The following ITPR1 variants were observed in gnomAD, a reference collection of about 807,000 sequenced individuals.
ITPR1 encodes inositol 1,4,5-trisphosphate-gated calcium channel ITPR1.
Under a neutral mutation model 318.4 loss-of-function variants are expected in ITPR1, and 96 were observed. The ratio of observed to expected loss-of-function variants is 0.30; its 90% CI spans 0.26 to 0.36. ITPR1 has a LOEUF of 0.36. ITPR1 is among the 10% of genes least tolerant of loss of function. ITPR1 has a pLI of 1.00. For synonymous variants in ITPR1, 1,312 were observed against 1,289.9 expected (o/e 1.02, Z -0.37); for missense variants, 2,440 against 3,460.2 (o/e 0.71, Z 7.40).
At chr3:4,603,407 C>CTTTTT (rs935114506) in intron 4 of ITPR1, among the ~76,000 whole-genome samples, 1 of 151,784 alleles carries the variant, frequency 6.6e-6, no homozygotes, top group Admixed American at 6.6e-5. Flanking sequence ...ACCACATTTT[C>CTTTTT]TTTTCTTTTC....
At chr3:4,639,340 A>T (rs1388754214) in intron 5 of ITPR1, 44 bp from the exon 6 acceptor site, 1 of 1,424,060 alleles carries the variant, frequency 7.0e-7, no homozygotes, top group Non-Finnish European at 9.7e-7. Flanking sequence ...GGGATAGAAC[A>T]CATGGTTTCC....
chr3:4,511,738 A>C (rs1007244112), intron 2 of ITPR1, among the ~76,000 whole-genome samples: 4 of 152,160 alleles, frequency 2.6e-5, no homozygotes, highest in African/African-American at 7.2e-5. Flanking sequence ...CTGGGGTTTG[A>C]ACCTGGGCAC....
chr3:4,670,825 G>T lies in ITPR1; in HGVS notation c.2103G>T (p.Trp701Cys). 6.2e-7 allele frequency: 1 copy of T among 1,610,834 alleles called. No homozygotes were observed. The highest frequency in any genetic ancestry group is 8.5e-7 in the Non-Finnish European group (1 of 1,178,554). Residue 701 changes from tryptophan (W) to cysteine (C), a missense_variant, in exon 20 of 62, where the codon TGG (tryptophan) becomes TGT (cysteine). Physicochemically the swap from Trp to Cys is radical, Grantham distance 215. Transcript: ENST00000649015. ...ACGAGGAAGAGGTGTGGCTGTTTTG[G>T]AGGGACAGCAACAAAGAGATTCGCA... ...GEDEEEVWLFWRDSNKEIRSK... is the reference protein window; with the variant it reads ...GEDEEEVWLFCRDSNKEIRSK...
At chr3:4,687,611 G>A (rs899462571) in intron 30 of ITPR1, among the ~76,000 whole-genome samples, 5 of 152,196 alleles carry the variant, frequency 3.3e-5, no homozygotes, top group Non-Finnish European at 7.3e-5. Context: ...ATGATTTCCA[G>A]TTTAGAAATT....
chr3:4,588,542 G>T lies in ITPR1; in HGVS notation c.164-39221G>T, dbSNP rs572162378. Among the ~76,000 whole-genome samples, 32 of 152,114 alleles carry T rather than the reference G, an allele frequency of 2.1e-4. No individual in the cohort carries two copies. In the South Asian group the frequency reaches 6.7e-3, roughly 32 times the overall value. On this transcript the variant is annotated intron_variant, in intron 4 of 61. Coordinates refer to ENST00000649015, the MANE Select transcript of ITPR1 (RefSeq NM_001378452.1). ...CCGCTTTCTCACCTCTAAATGCTGG[G>T]CTGGTCCCGGGCTTCGGCCTTGGCT...
intron 4 of ITPR1, among the ~76,000 whole-genome samples, chr3:4,623,572 C>A (rs1192595680): frequency 6.6e-6 from 1 of 152,162 alleles, no homozygotes; most frequent in Non-Finnish European, 1.5e-5. Context: ...ATATATTCTT[C>A]TGGTTTTCCT....
At chr3:4,776,792 G>A (rs985216739) in intron 47 of ITPR1, among the ~76,000 whole-genome samples, 2 of 152,178 alleles carry the variant, frequency 1.3e-5, no homozygotes, top group South Asian at 2.1e-4. Flanking sequence ...TGCTGCAAAC[G>A]GAGATGTTAC....
intron 46 of ITPR1, 140 bp downstream of exon 46, chr3:4,768,904 CTTTTT>C: frequency 1.4e-6 from 1 of 700,840 alleles, no homozygotes; most frequent in Non-Finnish European, 2.3e-6. Flanking sequence ...TTTCCTTTTT[CTTTTT>C]TCTTTTTTCT....
chr3:4,745,063 TC>T (rs1219982580), intron 44 of ITPR1, among the ~76,000 whole-genome samples: 1 of 250 alleles, frequency 4.0e-3, no homozygotes, highest in South Asian at 0.1. Context: ...CCTTTCTCTT[TC>T]TGTGTTTTCT....
intron 4 of ITPR1, among the ~76,000 whole-genome samples, chr3:4,524,301 GTT>G (rs56380229): frequency 0.036 from 2,660 of 73,444 alleles, 47 homozygotes; most frequent in Middle Eastern, 0.069. Context: ...ATACTTTGAC[GTT>G]TTTTTTTTTT....
At chr3:4,663,602 C>G (rs1036541612) in intron 16 of ITPR1, among the ~76,000 whole-genome samples, 2 of 152,162 alleles carry the variant, frequency 1.3e-5, no homozygotes, top group Non-Finnish European at 2.9e-5. Context: ...TACCGACATC[C>G]TACATCACAG....
rs371777189 is a variant in ITPR1 at position 4,779,521 on chromosome 3, A to G, written c.6292-29A>G. 3 of 1,578,600 alleles carry G rather than the reference A, an allele frequency of 1.9e-6. No individual in the cohort carries two copies. In the African/African-American group the frequency reaches 4.0e-5, roughly 21 times the overall value. On this transcript the variant is annotated intron_variant, in intron 48 of 61. Transcript: ENST00000649015. This position sits in a 1 kb window ranked among gnomAD's most constrained non-coding sequence, Gnocchi z 4.0. ...CCGGGCCCCCAAGCAGCCCCTCTAC[A>G]TTTCCTCTCCCTTTGTTTCTCCAAC...
intron 12 of ITPR1, among the ~76,000 whole-genome samples, chr3:4,657,587 C>G (rs2093742031): frequency 6.6e-6 from 1 of 151,942 alleles, no homozygotes; most frequent in African/African-American, 2.4e-5. Flanking sequence ...TCTGTTTCAG[C>G]TTCCCAAGTA....
chr3:4,693,484 A>G lies in ITPR1; in HGVS notation c.4030-6A>G, dbSNP rs776078483. 1.2e-5 allele frequency: 20 copies of G among 1,612,646 alleles called. 1 individual carries two copies. The South Asian group carries it at 1.9e-4, about 15-fold the overall frequency. ...GTAATCTAAACCCACCCTGTTCTTT[A>G]TGTAGCTGGTCAATTCGGGAGAGGA... On this transcript the variant is annotated splice_polypyrimidine_tract_variant and splice_region_variant and intron_variant, in intron 32 of 61. Coordinates refer to ENST00000649015, the MANE Select transcript of ITPR1 (RefSeq NM_001378452.1).
In ITPR1 at chr3:4,680,909, T is replaced by G. The variant is rs2633722; in HGVS notation, c.3106+218T>G. On this transcript the variant is annotated intron_variant, in intron 25 of 61. Coordinates refer to ENST00000649015, the MANE Select transcript of ITPR1 (RefSeq NM_001378452.1). Reference sequence around the variant, plus strand: ...TCTTGTTTCCTTCCATCTGGGAGTGTCTTAGTGATGAGACAGTTGAGGTTT... The same window carrying G: ...TCTTGTTTCCTTCCATCTGGGAGTGGCTTAGTGATGAGACAGTTGAGGTTT... Among the ~76,000 whole-genome samples the G allele has an allele frequency of 0.22, 33,465 of 152,134 alleles. 4,029 individuals are homozygous for G. Among genetic ancestry groups the G allele is most frequent in the South Asian group, 0.37 (1,779 of 4,824 alleles).
At chr3:4,811,527 G>T in intron 56 of ITPR1, 67 bp downstream of exon 56, 81 of 1,243,128 alleles carry the variant, frequency 6.5e-5, no homozygotes, top group East Asian at 1.8e-4. Context: ...CTGAACTAAA[G>T]AAAATAACGA....
chr3:4,754,302 G>T (rs1368368453), intron 44 of ITPR1, among the ~76,000 whole-genome samples: 1 of 152,138 alleles, frequency 6.6e-6, no homozygotes, highest in Non-Finnish European at 1.5e-5. Context: ...CCAAGTCACT[G>T]CCAGGTCCTC....
chr3:4,512,602 G>A (rs961483917), intron 2 of ITPR1, among the ~76,000 whole-genome samples: 2 of 152,030 alleles, frequency 1.3e-5, no homozygotes, highest in African/African-American at 4.8e-5. Context: ...TTTAAACAGG[G>A]GATCCTTTAC....
chr3:4,715,898 G>A (rs1278775092), intron 39 of ITPR1, among the ~76,000 whole-genome samples: 3 of 152,108 alleles, frequency 2.0e-5, no homozygotes, highest in African/African-American at 7.2e-5. Context: ...AAAGGTAGGG[G>A]CTGACTGAAG....
Sources: gnomAD v4.1 joint callset for allele counts (sites outside exome capture counted in the v4.1 genomes callset) on GRCh38, gnomAD v4.1.1 for gene constraint, Gnocchi (gnomAD v3.1) non-coding constraint, MANE v1.5 for transcripts, NCBI Gene and HGNC (gene_info 2026-07-23, HGNC 2026-07-21) for gene names.